SELENOF: variants seen among roughly 807,000 people sequenced by gnomAD.
The protein encoded by SELENOF is 15 kDa selenoprotein.
Under a neutral mutation model 20.5 loss-of-function variants are expected in SELENOF, and 16 were observed. That is an observed-to-expected ratio of 0.78 (90% CI 0.53 to 1.19). The LOEUF is 1.19. Among genes scored for constraint, SELENOF ranks in the 50% most tolerant of loss-of-function variants. The probability of loss-of-function intolerance (pLI) is 0.00; values close to 1 mark genes in which losing one functional copy is unlikely to be tolerated. For missense variants in SELENOF, 215 were observed against 194.2 expected (o/e 1.11, Z -0.64); for synonymous variants, 78 against 74.5 (o/e 1.05, Z -0.24).
intron 1 of SELENOF, among the ~76,000 whole-genome samples, chr1:86,907,614 A>C (rs1659863562): frequency 6.6e-6 from 1 of 152,268 alleles, no homozygotes; most frequent in East Asian, 1.9e-4. Flanking sequence ...CTTGTAAGAA[A>C]GACAAAGATT....
At chr1:86,910,728 A>T (rs991272128) in intron 1 of SELENOF, among the ~76,000 whole-genome samples, 3 of 149,960 alleles carry the variant, frequency 2.0e-5, no homozygotes, top group Non-Finnish European at 4.4e-5. Flanking sequence ...AAAAGGTTTC[A>T]GTCTAACATG....
chr1:86,903,260 G>T, intron 2 of SELENOF, 21 bp downstream of exon 2: 1 of 1,596,194 alleles, frequency 6.3e-7, no homozygotes, highest in South Asian at 1.1e-5. Context: ...CCAATGGAAG[G>T]AATATACTAG....
At chr1:86,887,132 G>A (rs1047472095) in intron 2 of SELENOF, 1 of 1,520,322 alleles carries the variant, frequency 6.6e-7, no homozygotes, top group African/African-American at 1.4e-5. Flanking sequence ...CATACTTTCT[G>A]ATTAATGACA....
chr1:86,902,333 A>C (rs1180327893), intron 2 of SELENOF, among the ~76,000 whole-genome samples: 1 of 152,188 alleles, frequency 6.6e-6, no homozygotes, highest in African/African-American at 2.4e-5. Context: ...AGATACAGAG[A>C]AATCAAGGGT....
chr1:86,888,980 A>G (rs1659307042), intron 2 of SELENOF, among the ~76,000 whole-genome samples: 1 of 152,360 alleles, frequency 6.6e-6, no homozygotes, highest in East Asian at 1.9e-4. Flanking sequence ...TCTGAAAACA[A>G]TAAGAAACAA....
Position 86,863,531 on chromosome 1 carries a change from G to A in SELENOF, c.441C>T (p.Leu147=). ...CTTCTACACTGTCTGTGTTCCATTT[G>A]AGAATGCTCAGTTCTTCAGCAATGT... The part of the protein sequence containing the change: ...NGNIAEELSI[L]KWNTDSVEEF... Residue 147 remains leucine (L), a synonymous_variant, in exon 5 of 5, where the codon CTC becomes CTT. Coordinates refer to ENST00000331835, the MANE Select transcript of SELENOF (RefSeq NM_004261.5). The A allele has an allele frequency of 6.2e-7, 1 of 1,613,542 alleles. No individual in the cohort carries two copies. Among genetic ancestry groups the A allele is most frequent in the Non-Finnish European group, 8.5e-7 (1 of 1,179,590 alleles).
chr1:86,886,140 T>G (rs1017340939), intron 2 of SELENOF, among the ~76,000 whole-genome samples: 1 of 152,130 alleles, frequency 6.6e-6, no homozygotes, highest in Non-Finnish European at 1.5e-5. Flanking sequence ...ACCCTGACAG[T>G]ACACTAGAAT....
At chr1:86,913,900 G>T in intron 1 of SELENOF, 128 bp downstream of exon 1, 1 of 831,198 alleles carries the variant, frequency 1.2e-6, no homozygotes, top group Non-Finnish European at 2.0e-6. Flanking sequence ...GTTGCATTCT[G>T]GCCGCAGCAG....
chr1:86,888,456 G>C (rs1557463039), intron 2 of SELENOF, among the ~76,000 whole-genome samples: 1 of 152,008 alleles, frequency 6.6e-6, no homozygotes, highest in Non-Finnish European at 1.5e-5. Flanking sequence ...AAAAATTTTT[G>C]TAGAGATGGG....
chr1:86,901,456 CAA>C (rs1430002290), intron 2 of SELENOF, among the ~76,000 whole-genome samples: 5 of 149,190 alleles, frequency 3.4e-5, no homozygotes, highest in Non-Finnish European at 7.4e-5. Flanking sequence ...CAGTTTTGTG[CAA>C]AGAGTGCTAG....
intron 2 of SELENOF, among the ~76,000 whole-genome samples, chr1:86,893,322 G>A (rs770972036): frequency 1.3e-5 from 2 of 151,882 alleles, no homozygotes; most frequent in African/African-American, 2.4e-5. Flanking sequence ...TTAAACTCTC[G>A]GCTAGGGTAT....
chr1:86,905,133 T>C (rs1659797333), intron 1 of SELENOF, among the ~76,000 whole-genome samples: 1 of 152,178 alleles, frequency 6.6e-6, no homozygotes. Context: ...ACAAGCTAGT[T>C]GCCCAGATCA....
intron 2 of SELENOF, among the ~76,000 whole-genome samples, chr1:86,881,131 T>G (rs1413553988): frequency 6.6e-6 from 1 of 152,226 alleles, no homozygotes; most frequent in Admixed American, 6.5e-5. Context: ...ATAAAAATTC[T>G]TTCTGGTGGC....
At chr1:86,888,686 G>T (rs1236638370) in intron 2 of SELENOF, among the ~76,000 whole-genome samples, 3 of 152,174 alleles carry the variant, frequency 2.0e-5, no homozygotes, top group Non-Finnish European at 4.4e-5. Flanking sequence ...TTTTTGAGAC[G>T]GAGTCTCGCT....
chr1:86,914,158 G>A (rs1263164342), upstream of SELENOF: 8 of 1,543,892 alleles, frequency 5.2e-6, no homozygotes, highest in East Asian at 2.2e-5. Flanking sequence ...AGCTAGGGGC[G>A]TCCACTCCAG....
At chr1:86,914,344 T>C (rs893971718), upstream of SELENOF, 1 of 568,578 alleles carries the variant, frequency 1.8e-6, no homozygotes, top group Non-Finnish European at 3.1e-6. Flanking sequence ...ACTTCTGCGG[T>C]CTCCTTTCTT....
chr1:86,905,419 C>T (rs1365386660), intron 1 of SELENOF, among the ~76,000 whole-genome samples: 3 of 152,174 alleles, frequency 2.0e-5, no homozygotes, highest in South Asian at 4.1e-4. Context: ...TAACATCTTA[C>T]TTATTTTCAA....
chr1:86,900,587 G>A (rs2102122431), intron 2 of SELENOF, among the ~76,000 whole-genome samples: 1 of 151,926 alleles, frequency 6.6e-6, no homozygotes, highest in East Asian at 1.9e-4. Flanking sequence ...GGAAAGAGAG[G>A]GAGAGGGAGA....
intron 2 of SELENOF, among the ~76,000 whole-genome samples, chr1:86,900,768 G>C (rs917875739): frequency 2.0e-5 from 3 of 152,158 alleles, no homozygotes; most frequent in Non-Finnish European, 4.4e-5. Flanking sequence ...TCGATCTCCT[G>C]ACCTTGTGAT....
Sources: gnomAD v4.1 joint callset for allele counts (sites outside exome capture counted in the v4.1 genomes callset) on GRCh38, gnomAD v4.1.1 for gene constraint, MANE v1.5 for transcripts, NCBI Gene and HGNC (gene_info 2026-07-23, HGNC 2026-07-21) for gene names.